IFT122: variants seen among roughly 807,000 people sequenced by gnomAD.
IFT122 encodes intraflagellar transport 122.
Under a neutral mutation model 161.6 loss-of-function variants are expected in IFT122, and 118 were observed. The observed-to-expected ratio is 0.73, with a 90% CI of 0.63 to 0.85. The LOEUF is 0.85. IFT122 is among the 40% of genes least tolerant of loss of function. The pLI, the probability that IFT122 is intolerant of heterozygous loss-of-function variation, is 0.00. For synonymous variants in IFT122, 550 were observed against 602.4 expected, an observed-to-expected ratio of 0.91 and a Z score of 1.27; for missense variants, 1,381 against 1,579.6, an observed-to-expected ratio of 0.87 and a Z score of 2.13.
At chr3:129,482,770 C>G (rs1559926389) in intron 14 of IFT122, among the ~76,000 whole-genome samples, 1 of 152,178 alleles carries the variant, frequency 6.6e-6, no homozygotes, top group Non-Finnish European at 1.5e-5. Context: ...TTACTTTTCT[C>G]TAAAATGAAA....
Position 129,506,479 on chromosome 3 carries a change from G to A in IFT122, c.2721G>A (p.Ala907=), listed in dbSNP as rs371570973. Residue 907 remains alanine, a synonymous_variant, in exon 22 of 30, where the codon GCG becomes GCA. Coordinates refer to ENST00000348417, the MANE Select transcript of IFT122 (RefSeq NM_052989.3). ...AGCAGCTCACAAACAATGCCGTGGCGGAGAGCAGGTTTAATGATGCTGCCT... is the reference window on the plus strand; with the variant it reads ...AGCAGCTCACAAACAATGCCGTGGCAGAGAGCAGGTTTAATGATGCTGCCT... ...VLEQLTNNAV[A]ESRFNDAAYY... 54 of 1,614,102 alleles carry A rather than the reference G, an allele frequency of 3.3e-5. No individual in the cohort carries two copies. The highest frequency in any genetic ancestry group is 2.4e-4 in the East Asian group (11 of 44,902).
rs377268180 is a variant in IFT122, at chr3:129,495,458, C to T, written c.2059C>T (p.Arg687Trp). The change falls in exon 18 of 30, where the codon CGG becomes TGG. Residue 687 changes from arginine (R) to tryptophan (W), a missense_variant. Around this residue, in one of 7 missense-constraint regions of IFT122, gnomAD observed 496 missense variants for 502.5 expected, o/e 0.99. Coordinates refer to ENST00000348417, the MANE Select transcript of IFT122 (RefSeq NM_052989.3). ...CTAATTTTTCCAGGAGAGGAAGAAG[C>T]GGGGAGAGACCAACAATGACCTGTT... is the stretch of plus-strand genomic sequence containing the variant. ...LISSIEERKKRGETNNDLFLA... is the reference protein window; with the variant it reads ...LISSIEERKKWGETNNDLFLA... The T allele has an allele frequency of 5.0e-6, 8 of 1,613,958 alleles. No homozygotes were observed. Among genetic ancestry groups the T allele is most frequent in the Non-Finnish European group, 3.4e-6 (4 of 1,180,006 alleles).
intron 11 of IFT122, among the ~76,000 whole-genome samples, chr3:129,477,391 A>G (rs1220912282): frequency 2.0e-5 from 3 of 152,338 alleles, no homozygotes; most frequent in Non-Finnish European, 4.4e-5. Context: ...AGGTGTATTC[A>G]TATCTGGATG....
At position 129,517,520 on chromosome 3, in the gene IFT122, A is replaced by T. The variant is rs748472398; in HGVS notation, c.3317A>T (p.Glu1106Val). Residue 1106 changes from glutamate to valine, a missense_variant, in exon 27 of 30, where the codon GAA (glutamate) becomes GTA (valine). Coordinates refer to ENST00000348417, the MANE Select transcript of IFT122 (RefSeq NM_052989.3). ...FYLEEGITDE[E>V]AISLIDLEVL... ...CTGGAGGAAGGGATCACTGATGAAG[A>T]AGCCATCTCCCTCATCGACCTGGAG... The T allele has an allele frequency of 6.2e-7, 1 of 1,613,994 alleles. No homozygotes were observed. The highest frequency in any genetic ancestry group is 2.2e-5 in the East Asian group (1 of 44,856).
chr3:129,458,610 G>T lies in IFT122; in HGVS notation c.205G>T (p.Ala69Ser), dbSNP rs749137520. 2 of 1,613,902 alleles carry T rather than the reference G, an allele frequency of 1.2e-6. No individual in the cohort carries two copies. Among genetic ancestry groups the T allele is most frequent in the Non-Finnish European group, 8.5e-7 (1 of 1,179,878 alleles). Residue 69 changes from alanine (A) to serine (S), a missense_variant, in exon 4 of 30, where the codon GCT (alanine) becomes TCT (serine). By Grantham distance (99) the Ala-to-Ser change is moderately conservative. Around this residue, in one of 7 missense-constraint regions of IFT122, gnomAD observed 134 missense variants for 137.4 expected, o/e 0.98. Transcript: ENST00000348417. Reference protein sequence around the residue: ...VAYAKDGKRFASGSADKSVII... With the variant: ...VAYAKDGKRFSSGSADKSVII... ...ACAAACACTTTTAGGCAAGCGCTTTGCTTCTGGATCAGCTGACAAAAGCGT... is the reference window on the plus strand; with the variant it reads ...ACAAACACTTTTAGGCAAGCGCTTTTCTTCTGGATCAGCTGACAAAAGCGT...
intron 9 of IFT122, among the ~76,000 whole-genome samples, chr3:129,473,472 A>C (rs904154555): frequency 6.6e-6 from 1 of 152,132 alleles, no homozygotes; most frequent in African/African-American, 2.4e-5. Context: ...TGTTCCTCTG[A>C]AGATTATTGT....
chr3:129,473,322 T>C (rs2077558127), intron 9 of IFT122, among the ~76,000 whole-genome samples: 1 of 152,232 alleles, frequency 6.6e-6, no homozygotes, highest in East Asian at 1.9e-4. Flanking sequence ...TCTTATCTGC[T>C]ATTTCTAACA....
chr3:129,504,063 C>T, intron 20 of IFT122: 1 of 491,352 alleles, frequency 2.0e-6, no homozygotes, highest in Middle Eastern at 5.8e-4. Flanking sequence ...CGATTCTGTG[C>T]CGCTTCTGTG....
In IFT122 at chr3:129,476,404, G is replaced by T. The variant is rs1360689123; in HGVS notation, c.906G>T (p.Lys302Asn). The change falls in exon 10 of 30, where the codon AAG becomes AAT. Residue 302 changes from lysine (K) to asparagine (N), a missense_variant. Lys to Asn is a moderately conservative substitution (Grantham distance 94). Transcript: ENST00000348417. ...ACATTTTGCTGGGGGGTTCAGACAA[G>T]CAAGTATCTCTTTTCACCAAGGATG... ...GEYILLGGSD[K>N]QVSLFTKDGV... 1.9e-6 allele frequency: 3 copies of T among 1,614,068 alleles called. No individual in the cohort carries two copies. Among genetic ancestry groups the T allele is most frequent in the Non-Finnish European group, 2.5e-6 (3 of 1,180,044 alleles).
chr3:129,467,403 CT>C (rs899379028), intron 8 of IFT122, among the ~76,000 whole-genome samples: 1 of 151,256 alleles, frequency 6.6e-6, no homozygotes, highest in African/African-American at 2.4e-5. Context: ...TCATATTCTG[CT>C]TTTTTTTTCA....
In IFT122 at chr3:129,490,401, G is replaced by A. The variant is rs978657652; in HGVS notation, c.1993-1740G>A. Among the ~76,000 whole-genome samples, 7 of 152,232 alleles carry A rather than the reference G, an allele frequency of 4.6e-5. 1 individual carries two copies. The highest frequency in any genetic ancestry group is 4.1e-4 in the South Asian group (2 of 4,830). The stretch of plus-strand genomic sequence containing the variant: ...GGCAGAGAAGAGCTGCTGAGCTCCC[G>A]CCAGACCCTGAGCAGAGCTGCAGGT... On this transcript the variant is annotated intron_variant, in intron 16 of 29. Transcript: ENST00000348417.
At chr3:129,501,233 G>T (rs1224898579) in intron 19 of IFT122, among the ~76,000 whole-genome samples, 1 of 152,162 alleles carries the variant, frequency 6.6e-6, no homozygotes, top group Admixed American at 6.5e-5. Context: ...GCTGCGGTAG[G>T]CAAAGGACAC....
At chr3:129,506,041 T>A (rs2108577442) in intron 21 of IFT122, among the ~76,000 whole-genome samples, 1 of 152,318 alleles carries the variant, frequency 6.6e-6, no homozygotes, top group East Asian at 1.9e-4. Context: ...AGGTCCTGTT[T>A]CTATCACCTT....
chr3:129,480,044 TG>T (rs2078454713), intron 13 of IFT122, 122 bp downstream of exon 13: 3 of 1,240,690 alleles, frequency 2.4e-6, no homozygotes, highest in Admixed American at 1.8e-5. Flanking sequence ...CCTCCATGGG[TG>T]AATTGTGGGG....
chr3:129,460,911 A>C (rs1484310700), intron 4 of IFT122: 1 of 1,614,126 alleles, frequency 6.2e-7, no homozygotes, highest in African/African-American at 1.3e-5. Context: ...GCCTCCACAA[A>C]ACAGTAAGAG....
chr3:129,460,473 C>T, intron 4 of IFT122, among the ~76,000 whole-genome samples: 1 of 151,500 alleles, frequency 6.6e-6, no homozygotes, highest in Non-Finnish European at 1.5e-5. Context: ...AAGACGAGGT[C>T]TCACTATGAC....
At chr3:129,485,219 G>A (rs1367140710) in intron 15 of IFT122, among the ~76,000 whole-genome samples, 3 of 152,186 alleles carry the variant, frequency 2.0e-5, no homozygotes, top group Non-Finnish European at 4.4e-5. Context: ...TGAAATTGCT[G>A]GGTCAAAGCA....
intron 7 of IFT122, 32 bp downstream of exon 7, chr3:129,464,813 A>G (rs1446888617): frequency 1.2e-6 from 2 of 1,612,922 alleles, no homozygotes; most frequent in Admixed American, 1.7e-5. Flanking sequence ...TTCTAGAACA[A>G]ACACCATCAT....
chr3:129,517,351 T>G, intron 26 of IFT122, 118 bp from the exon 27 acceptor site: 1 of 1,356,914 alleles, frequency 7.4e-7, no homozygotes, highest in Non-Finnish European at 1.0e-6. Flanking sequence ...CTGCCTCTTC[T>G]TGCTTTTGGT....
Sources: allele counts gnomAD v4.1 joint callset (sites outside exome capture counted in the v4.1 genomes callset), GRCh38; gene constraint gnomAD v4.1.1; regional missense constraint gnomAD v4.1.1; transcripts MANE v1.5; gene names NCBI Gene and HGNC (gene_info 2026-07-23, HGNC 2026-07-21).